The following RAB8B variants were observed in gnomAD, a reference collection of about 807,000 sequenced individuals.
RAB8B encodes the protein RAB8B, member RAS oncogene family, also known as ras-related protein Rab-8B.
A neutral mutation model predicts 32.0 loss-of-function variants in RAB8B; 11 were observed. The observed-to-expected ratio is 0.34, with a 90% confidence interval of 0.22 to 0.57. The LOEUF (loss-of-function observed/expected upper bound fraction) is 0.57. Ranked by LOEUF, RAB8B falls within the 20% of genes least tolerant of loss-of-function variation. The pLI is 0.86. For synonymous variants in RAB8B, 103 were observed against 89.6 expected (o/e 1.15, Z -0.85); for missense variants, 190 against 258.5 (o/e 0.73, Z 1.82).
At chr15:63,193,810 CA>C (rs200937978) in intron 1 of RAB8B, among the ~76,000 whole-genome samples, 1 of 142,128 alleles carries the variant, frequency 7.0e-6, no homozygotes, top group African/African-American at 2.6e-5. Flanking sequence ...GACTCCATCT[CA>C]AAAAACAACA....
chr15:63,261,220 A>G (rs1250950630), intron 6 of RAB8B, among the ~76,000 whole-genome samples: 1 of 152,218 alleles, frequency 6.6e-6, no homozygotes, highest in Non-Finnish European at 1.5e-5. Context: ...AAGTACAGTG[A>G]GCTATCATCT....
At chr15:63,254,529 C>G (rs2038144397) in intron 3 of RAB8B, among the ~76,000 whole-genome samples, 1 of 151,946 alleles carries the variant, frequency 6.6e-6, no homozygotes, top group Non-Finnish European at 1.5e-5. Flanking sequence ...GTAGTTCTAG[C>G]ACTTAGTACA....
intron 1 of RAB8B, among the ~76,000 whole-genome samples, chr15:63,211,656 T>C (rs1400551123): frequency 6.6e-6 from 1 of 152,168 alleles, no homozygotes; most frequent in East Asian, 1.9e-4. Context: ...AGTCATAGTT[T>C]TGGTGGATTT....
rs1000592198 is a variant in RAB8B, at chr15:63,259,183, G to A, written c.415-444G>A. Among the ~76,000 whole-genome samples, 12 of 152,034 alleles carry A rather than the reference G, an allele frequency of 7.9e-5. No homozygotes were observed. Among genetic ancestry groups the A allele is most frequent in the Middle Eastern group, 3.2e-3 (1 of 316 alleles). ...CACCTGGACTGGAGTGCAGTGGTGC[G>A]ATCTCGGCTTACTCCAACCTCTGCC... On this transcript the variant is annotated intron_variant, in intron 5 of 7. Transcript: ENST00000321437. This position sits in a 1 kb window ranked among gnomAD's most constrained non-coding sequence, Gnocchi z 4.4.
intron 1 of RAB8B, among the ~76,000 whole-genome samples, chr15:63,204,632 G>A (rs1452193348): frequency 1.3e-5 from 2 of 152,180 alleles, no homozygotes; most frequent in Admixed American, 6.5e-5. Flanking sequence ...AAACATGGTA[G>A]CTGATTTTAA....
In RAB8B at chr15:63,226,736, G is replaced by A. The variant is rs150382897; in HGVS notation, c.125-18020G>A. 2.2e-3 allele frequency among the ~76,000 whole-genome samples: 329 copies of A among 152,286 alleles called. 3 individuals carry two copies. Among genetic ancestry groups the A allele is most frequent in the African/African-American group, 7.4e-3 (307 of 41,550 alleles). On this transcript the variant is annotated intron_variant, in intron 1 of 7. Transcript: ENST00000321437. ...GTTCTGATCCAGACCCCAAGAGAGG[G>A]TTCTTGGATCTCATGTAAGAAAGAA...
intron 1 of RAB8B, among the ~76,000 whole-genome samples, chr15:63,191,596 C>CA (rs2141103291): frequency 6.6e-6 from 1 of 152,328 alleles, no homozygotes; most frequent in African/African-American, 2.4e-5. Flanking sequence ...GTATTAATTT[C>CA]AAAGCCTCAA....
intron 1 of RAB8B, among the ~76,000 whole-genome samples, chr15:63,190,333 T>C (rs2037545519): frequency 6.6e-6 from 1 of 151,732 alleles, no homozygotes; most frequent in Non-Finnish European, 1.5e-5. Context: ...GACTGAGATG[T>C]CGTAGGAGGG....
At chr15:63,201,678 T>G (rs918997067) in intron 1 of RAB8B, among the ~76,000 whole-genome samples, 3 of 152,182 alleles carry the variant, frequency 2.0e-5, no homozygotes, top group African/African-American at 7.2e-5. Flanking sequence ...ACAAAGTACT[T>G]TCACTTATGT....
chr15:63,249,810 T>A, intron 3 of RAB8B, 105 bp downstream of exon 3: 1 of 1,230,356 alleles, frequency 8.1e-7, no homozygotes, highest in Non-Finnish European at 1.1e-6. Context: ...TGTAGAAAAA[T>A]AAATTTTCTG....
chr15:63,243,237 C>A (rs746983459), intron 1 of RAB8B, among the ~76,000 whole-genome samples: 3 of 152,242 alleles, frequency 2.0e-5, no homozygotes, highest in African/African-American at 7.2e-5. Flanking sequence ...TGAAGCTTCT[C>A]TCACTTGCCT....
chr15:63,189,917 T>G (rs1391458531), intron 1 of RAB8B, among the ~76,000 whole-genome samples, 169 bp downstream of exon 1: 2 of 92,924 alleles, frequency 2.2e-5, no homozygotes, highest in South Asian at 3.5e-4. Flanking sequence ...GGCGAGGGCG[T>G]GAGGGAGAGA....
At chr15:63,240,062 A>T (rs1214628399) in intron 1 of RAB8B, among the ~76,000 whole-genome samples, 2 of 152,106 alleles carry the variant, frequency 1.3e-5, no homozygotes, top group African/African-American at 4.8e-5. Context: ...TGAGAGAAGC[A>T]AAAGGCCTCA....
intron 4 of RAB8B, among the ~76,000 whole-genome samples, chr15:63,255,964 C>CA (rs2038155744): frequency 6.6e-6 from 1 of 152,228 alleles, no homozygotes; most frequent in Admixed American, 6.5e-5. Context: ...TGGCTAGCAA[C>CA]AATTATCTCT....
At chr15:63,237,113 G>A (rs554738520) in intron 1 of RAB8B, among the ~76,000 whole-genome samples, 1 of 152,188 alleles carries the variant, frequency 6.6e-6, no homozygotes, top group African/African-American at 2.4e-5. Flanking sequence ...ACTCCATTGT[G>A]TATATGTACC....
At chr15:63,230,165 C>CTGTAAGTGCTG (rs2037924160) in intron 1 of RAB8B, among the ~76,000 whole-genome samples, 1 of 152,138 alleles carries the variant, frequency 6.6e-6, no homozygotes, top group Admixed American at 6.5e-5. Context: ...CTACAGTGAG[C>CTGTAAGTGCTG]TGTAAGTGCT....
intron 3 of RAB8B, among the ~76,000 whole-genome samples, chr15:63,254,967 TTAAACCAGTA>T (rs1255366255): frequency 2.6e-5 from 4 of 152,218 alleles, no homozygotes; most frequent in Non-Finnish European, 5.9e-5. Context: ...ATGCCTTTCA[TTAAACCAGTA>T]TAACAAATGC....
intron 1 of RAB8B, among the ~76,000 whole-genome samples, chr15:63,239,112 A>G (rs537617666): frequency 2.0e-5 from 3 of 152,308 alleles, no homozygotes; most frequent in East Asian, 1.9e-4. Flanking sequence ...TCTGAACCCC[A>G]TTCACCACTG....
intron 1 of RAB8B, among the ~76,000 whole-genome samples, chr15:63,219,543 A>G (rs185870593): frequency 2.6e-4 from 40 of 152,202 alleles, no homozygotes; most frequent in African/African-American, 9.4e-4. Flanking sequence ...TAAGAGTAAC[A>G]AGGAGTAAGG....
Sources: gnomAD v4.1 joint callset for allele counts (sites outside exome capture counted in the v4.1 genomes callset) on GRCh38, gnomAD v4.1.1 for gene constraint, Gnocchi (gnomAD v3.1) non-coding constraint, MANE v1.5 for transcripts, NCBI Gene and HGNC (gene_info 2026-07-23, HGNC 2026-07-21) for gene names.